ITPA: variants seen among roughly 807,000 people sequenced by gnomAD.
The protein encoded by ITPA is inosine triphosphate pyrophosphatase.
ITPA carries 29 observed loss-of-function variants against 29.6 expected under a neutral mutation model. The ratio of observed to expected loss-of-function variants is 0.98; its 90% CI spans 0.73 to 1.34. The LOEUF is 1.34. ITPA is among the 40% of genes most tolerant of loss of function. The probability of loss-of-function intolerance (pLI) is 0.00; values close to 1 mark genes in which losing one functional copy is unlikely to be tolerated. For missense variants in ITPA, 241 were observed against 251.5 expected (o/e 0.96, Z 0.28); for synonymous variants, 103 against 99.3 (o/e 1.04, Z -0.22).
At chr20:3,204,327 T>C (rs1356346369), upstream of ITPA, among the ~76,000 whole-genome samples, 1 of 152,054 alleles carries the variant, frequency 6.6e-6, no homozygotes, top group Non-Finnish European at 1.5e-5. Flanking sequence ...AGACTCTGGC[T>C]TGGAGTCGAG....
intron 6 of ITPA, 89 bp downstream of exon 6, chr20:3,218,721 G>T: frequency 1.0e-6 from 1 of 972,180 alleles, no homozygotes; most frequent in Admixed American, 1.9e-5. Context: ...CGGGAGGGTG[G>T]TGGGAGGGGC....
Position 3,221,864 on chromosome 20 carries a change from C to A in ITPA, c.435C>A (p.Gly145=). Reference sequence around the variant, plus strand: ...AGGGCCGGATCGTGGCACCCAGAGGCTGCCAGGACTTTGGCTGGGACCCCT... The same window carrying A: ...AGGGCCGGATCGTGGCACCCAGAGGATGCCAGGACTTTGGCTGGGACCCCT... ...RTSGRIVAPR[G]CQDFGWDPCF... is the part of the protein sequence containing the mutation. Residue 145 remains glycine (G), a synonymous_variant, in exon 7 of 8, where the codon GGC becomes GGA. Transcript: ENST00000380113. 6.2e-7 allele frequency: 1 copy of A among 1,614,044 alleles called. No homozygotes were observed. The highest frequency in any genetic ancestry group is 8.5e-7 in the Non-Finnish European group (1 of 1,180,012).
intron 1 of ITPA, among the ~76,000 whole-genome samples, chr20:3,211,756 G>T (rs1431047710): frequency 1.3e-5 from 2 of 152,214 alleles, no homozygotes; most frequent in African/African-American, 4.8e-5. Context: ...GCCTCCCGAA[G>T]TGTTAGATTA....
At chr20:3,214,569 ATTATTTTATT>A (rs971892522) in intron 4 of ITPA, among the ~76,000 whole-genome samples, 15 of 149,842 alleles carry the variant, frequency 1.0e-4, no homozygotes, top group East Asian at 5.8e-4. Flanking sequence ...TAATTTTTTA[ATTATTTTATT>A]TTATTTTATT....
intron 7 of ITPA, 119 bp from the exon 8 acceptor site, chr20:3,223,247 C>T: frequency 1.3e-6 from 1 of 767,794 alleles, no homozygotes; most frequent in Non-Finnish European, 2.3e-6. Context: ...CTGGGCCCCA[C>T]TCCCCTTTCC....
chr20:3,218,282 A>G (rs1037144284), intron 5 of ITPA, among the ~76,000 whole-genome samples: 1 of 152,160 alleles, frequency 6.6e-6, no homozygotes, highest in African/African-American at 2.4e-5. Context: ...TAGTTTTCTG[A>G]CTTTAAATAA....
At chr20:3,204,860 GT>G (rs534458208), upstream of ITPA, among the ~76,000 whole-genome samples, 17,334 of 147,600 alleles carry the variant, frequency 0.12, 1,094 homozygotes, top group African/African-American at 0.14. Context: ...ATCTATGTAT[GT>G]TTTTTTTTTT....
intron 6 of ITPA, among the ~76,000 whole-genome samples, chr20:3,219,911 G>A (rs1210971135): frequency 6.6e-6 from 1 of 151,478 alleles, no homozygotes; most frequent in Non-Finnish European, 1.5e-5. Context: ...ACATGGTGGT[G>A]CACACCTGTA....
At chr20:3,222,060 G>T in intron 7 of ITPA, 143 bp downstream of exon 7, 1 of 810,634 alleles carries the variant, frequency 1.2e-6, no homozygotes, top group Admixed American at 2.0e-5. Flanking sequence ...AGGCAGCTCT[G>T]CTGGGGTGGA....
In ITPA at chr20:3,218,473, G is replaced by A. The variant is rs772911199; in HGVS notation, c.296-44G>A. ...GGGCGTCTTGGGAGTGGGGGTGGGA[G>A]TTGGCCATTAGGGATGCACTGAGCC... On this transcript the variant is annotated intron_variant, in intron 5 of 7. Coordinates refer to ENST00000380113, the MANE Select transcript of ITPA (RefSeq NM_033453.4). 1.3e-5 allele frequency: 17 copies of A among 1,357,274 alleles called. No individual in the cohort carries two copies. In the South Asian group the frequency reaches 1.9e-4, roughly 15 times the overall value. The allele number at this position is 1,357,274 out of a possible 1,614,324, so 84.1% of individuals were successfully genotyped here.
upstream of ITPA, among the ~76,000 whole-genome samples, chr20:3,206,153 C>G (rs1283730495): frequency 1.3e-5 from 2 of 151,574 alleles, no homozygotes; most frequent in Non-Finnish European, 2.9e-5. Context: ...CTTTGGGAGG[C>G]TGAGGTGGGT....
Position 3,213,302 on chromosome 20 carries a change from T to A in ITPA, c.125-17T>A, listed in dbSNP as rs761938281. ...TTCCTGTGACCTGACTTTCTGTGTG[T>A]CTGTTTCCCTGATAAGTGCCGGAGT... On this transcript the variant is annotated splice_polypyrimidine_tract_variant and intron_variant, in intron 2 of 7. Transcript: ENST00000380113. 6.8e-6 allele frequency: 11 copies of A among 1,614,034 alleles called. No homozygotes were observed. The highest frequency in any genetic ancestry group is 1.3e-5 in the African/African-American group (1 of 74,932).
intron 5 of ITPA, among the ~76,000 whole-genome samples, chr20:3,218,062 CAT>C (rs1237253437): frequency 2.0e-5 from 3 of 152,118 alleles, no homozygotes; most frequent in African/African-American, 7.2e-5. Context: ...GAGCTACAGG[CAT>C]CAGCCACCAC....
At position 3,223,295 on chromosome 20, in the gene ITPA, AG is replaced by A. The variant is rs1239386012; in HGVS notation, c.489-69del. 6 of 1,100,952 alleles carry A rather than the reference AG, an allele frequency of 5.4e-6. No individual in the cohort carries two copies. The African/African-American group carries it at 6.2e-5, about 11-fold the overall frequency. 68.2% of individuals were successfully genotyped at this position (1,100,952 alleles called of 1,614,324 possible). A position where few individuals can be genotyped will look rare whatever the true frequency, so the allele number is the denominator to read the frequency against. ...AGCTTTGGTCTCCAGGGATGAGATG[AG>A]GTAGGGTTGGGAGGGGGTGCACTTC... On this transcript the variant is annotated intron_variant, in intron 7 of 7. Transcript: ENST00000380113.
At chr20:3,217,905 G>GTTTTTTTTTT (rs372604621) in intron 5 of ITPA, among the ~76,000 whole-genome samples, 1 of 146,226 alleles carries the variant, frequency 6.8e-6, no homozygotes, top group Non-Finnish European at 1.5e-5. Context: ...AGTTTTTGTG[G>GTTTTTTTTTT]GTTTTTTTTT....
At chr20:3,213,107 C>A in intron 1 of ITPA, 62 bp from the exon 2 acceptor site, 1 of 1,484,978 alleles carries the variant, frequency 6.7e-7, no homozygotes, top group Non-Finnish European at 9.4e-7. Context: ...CGGATGACAG[C>A]TCACGTGCTC....
At chr20:3,210,940 A>T (rs1231272404) in intron 1 of ITPA, among the ~76,000 whole-genome samples, 1 of 151,494 alleles carries the variant, frequency 6.6e-6, no homozygotes, top group African/African-American at 2.4e-5. Flanking sequence ...AGTCCCAGCT[A>T]CTCGGGAGGC....
intron 6 of ITPA, among the ~76,000 whole-genome samples, chr20:3,220,455 A>G (rs778226774): frequency 3.3e-5 from 5 of 152,028 alleles, no homozygotes; most frequent in African/African-American, 7.3e-5. Context: ...GCAGCTCCTC[A>G]CGGCAGAAGC....
chr20:3,224,241 G>A (rs1237343912), downstream of ITPA, among the ~76,000 whole-genome samples: 2 of 152,202 alleles, frequency 1.3e-5, no homozygotes, highest in Non-Finnish European at 2.9e-5. Context: ...TGGAGTCCTC[G>A]ACCCCACTCG....
Sources: gnomAD v4.1 joint callset for allele counts (sites outside exome capture counted in the v4.1 genomes callset) on GRCh38, gnomAD v4.1.1 for gene constraint, MANE v1.5 for transcripts, NCBI Gene and HGNC (gene_info 2026-07-23, HGNC 2026-07-21) for gene names.